DEPTOR: variants seen among roughly 807,000 people sequenced by gnomAD.
DEPTOR encodes DEP domain-containing mTOR-interacting protein.
Under a neutral mutation model 41.6 loss-of-function variants are expected in DEPTOR, and 41 were observed. The observed-to-expected ratio is 0.98, with a 90% CI of 0.77 to 1.28. The LOEUF is 1.28. Among genes scored for constraint, DEPTOR ranks in the 50% most tolerant of loss-of-function variants. DEPTOR has a pLI of 0.00. For missense variants in DEPTOR, 514 were observed against 527.9 expected (o/e 0.97, Z 0.26); for synonymous variants, 195 against 192.3 (o/e 1.01, Z -0.12).
chr8:119,924,175 G>A (rs1716660607), intron 1 of DEPTOR, among the ~76,000 whole-genome samples: 1 of 152,082 alleles, frequency 6.6e-6, no homozygotes, highest in African/African-American at 2.4e-5. Flanking sequence ...TTGCTTCTGA[G>A]GTGTTGTTCA....
intron 4 of DEPTOR, among the ~76,000 whole-genome samples, chr8:119,965,857 A>C (rs1828551958): frequency 6.6e-6 from 1 of 152,200 alleles, no homozygotes; most frequent in Non-Finnish European, 1.5e-5. Context: ...TGCCACAGTG[A>C]AGAGTTAAGC....
At chr8:120,037,498 GA>G (rs1812996333) in intron 8 of DEPTOR, among the ~76,000 whole-genome samples, 1 of 152,202 alleles carries the variant, frequency 6.6e-6, no homozygotes, top group South Asian at 2.1e-4. Context: ...CAGTCACTGT[GA>G]CAAATGGTGT....
chr8:119,897,256 C>T (rs1482283600), intron 1 of DEPTOR, among the ~76,000 whole-genome samples: 3 of 151,996 alleles, frequency 2.0e-5, no homozygotes, highest in Non-Finnish European at 2.9e-5. Context: ...TATTCCAGGT[C>T]GGGAGCGGTG....
intron 8 of DEPTOR, among the ~76,000 whole-genome samples, chr8:120,023,800 G>GTTTTTTTTTTT (rs11447693): frequency 6.9e-6 from 1 of 144,750 alleles, no homozygotes. Flanking sequence ...CACCTATTTT[G>GTTTTTTTTTTT]TTTTTTTTTT....
chr8:119,911,731 A>G (rs1827747988), intron 1 of DEPTOR, among the ~76,000 whole-genome samples: 1 of 152,184 alleles, frequency 6.6e-6, no homozygotes, highest in African/African-American at 2.4e-5. Flanking sequence ...ATACTTCTTC[A>G]TATTAATAGA....
At chr8:119,911,056 T>C (rs923669779) in intron 1 of DEPTOR, among the ~76,000 whole-genome samples, 2 of 152,158 alleles carry the variant, frequency 1.3e-5, no homozygotes, top group African/African-American at 4.8e-5. Context: ...CAGAGCTGCC[T>C]CCACCCATTG....
chr8:119,930,164 A>T (rs1446878500), intron 3 of DEPTOR, among the ~76,000 whole-genome samples: 1 of 152,178 alleles, frequency 6.6e-6, no homozygotes, highest in African/African-American at 2.4e-5. Context: ...TATTTTCTGT[A>T]TTTAAGTTGA....
chr8:119,984,261 T>C (rs930854774), intron 4 of DEPTOR, among the ~76,000 whole-genome samples: 7 of 151,812 alleles, frequency 4.6e-5, no homozygotes, highest in Admixed American at 3.9e-4. Context: ...ACTAGGCCTT[T>C]TATTTTATTT....
At chr8:119,966,859 G>T (rs1181864107) in intron 4 of DEPTOR, among the ~76,000 whole-genome samples, 2 of 152,146 alleles carry the variant, frequency 1.3e-5, no homozygotes, top group East Asian at 3.9e-4. Flanking sequence ...CAGAGATACA[G>T]GGAAAATCAT....
chr8:119,970,280 A>G (rs1828615738), intron 4 of DEPTOR, among the ~76,000 whole-genome samples: 2 of 152,210 alleles, frequency 1.3e-5, no homozygotes, highest in Non-Finnish European at 2.9e-5. Context: ...TGCTTCACAC[A>G]TATGCTTTGT....
At chr8:119,963,293 G>A (rs934052173) in intron 3 of DEPTOR, among the ~76,000 whole-genome samples, 1 of 152,102 alleles carries the variant, frequency 6.6e-6, no homozygotes, top group African/African-American at 2.4e-5. Context: ...AACCAATAGA[G>A]TGTGATTGAT....
At chr8:119,972,926 G>A in intron 4 of DEPTOR, among the ~76,000 whole-genome samples, 1 of 152,082 alleles carries the variant, frequency 6.6e-6, no homozygotes, top group Admixed American at 6.6e-5. Context: ...ATTTGCAAAT[G>A]GGAAATGGGA....
intron 2 of DEPTOR, 69 bp downstream of exon 2, chr8:119,928,647 C>A (rs1005767855): frequency 6.7e-7 from 1 of 1,499,298 alleles, no homozygotes; most frequent in African/African-American, 1.4e-5. Context: ...TGAACATACC[C>A]ACTTAAGAAA....
intron 1 of DEPTOR, among the ~76,000 whole-genome samples, chr8:119,913,746 C>G (rs1827775799): frequency 6.6e-6 from 1 of 152,106 alleles, no homozygotes; most frequent in African/African-American, 2.4e-5. Flanking sequence ...GGTGAGAGGT[C>G]TCCCCAGGCC....
rs555392703 is a variant in DEPTOR at position 120,015,112 on chromosome 8, G to T, written c.1101+5979G>T. On this transcript the variant is annotated intron_variant, in intron 8 of 8. Coordinates refer to ENST00000286234, the MANE Select transcript of DEPTOR (RefSeq NM_022783.4). ...CTCAGGCACTCAAAATACTCTAATG[G>T]CTCCCCATCACAATAGGAATAAACT... Among the ~76,000 whole-genome samples the T allele has an allele frequency of 5.3e-5, 8 of 152,026 alleles. No homozygotes were observed. The East Asian group carries it at 1.5e-3, about 29-fold the overall frequency.
At chr8:119,958,922 G>T (rs1348513951) in intron 3 of DEPTOR, among the ~76,000 whole-genome samples, 1 of 152,172 alleles carries the variant, frequency 6.6e-6, no homozygotes, top group Non-Finnish European at 1.5e-5. Context: ...AAGTCACACT[G>T]GAAGACACAT....
At position 119,893,997 on chromosome 8, in the gene DEPTOR, C is replaced by G. The variant is rs76058824; in HGVS notation, c.122+20029C>G. On this transcript the variant is annotated intron_variant, in intron 1 of 8. Coordinates refer to ENST00000286234, the MANE Select transcript of DEPTOR (RefSeq NM_022783.4). ...TAGTCATACTAACGGGATCTATATA[C>G]TTTTGGGGAAATCATTGCAATCTTT... Among the ~76,000 whole-genome samples the G allele has an allele frequency of 2.3e-3, 344 of 152,258 alleles. 1 individual carries two copies. Among genetic ancestry groups the G allele is most frequent in the African/African-American group, 8.0e-3 (331 of 41,558 alleles).
chr8:120,037,149 C>G (rs779812743), intron 8 of DEPTOR, among the ~76,000 whole-genome samples: 2 of 152,120 alleles, frequency 1.3e-5, no homozygotes, highest in Admixed American at 6.6e-5. Flanking sequence ...TTTTGGGGAA[C>G]AGGGATTGTG....
intron 3 of DEPTOR, among the ~76,000 whole-genome samples, chr8:119,935,996 G>GTTTTTT (rs1201688321): frequency 5.8e-5 from 6 of 102,786 alleles, no homozygotes; most frequent in African/African-American, 2.3e-4. Flanking sequence ...CATTAGTCTA[G>GTTTTTT]TTGTTTTTTT....
Sources: gnomAD v4.1 joint callset for allele counts (sites outside exome capture counted in the v4.1 genomes callset) on GRCh38, gnomAD v4.1.1 for gene constraint, MANE v1.5 for transcripts, NCBI Gene and HGNC (gene_info 2026-07-23, HGNC 2026-07-21) for gene names.